Variants in NAV2 observed in about 807,000 individuals in gnomAD.
NAV2 encodes helicase, APC down-regulated 1.
A neutral mutation model predicts 223.2 loss-of-function variants in NAV2; 54 were observed. The ratio of observed to expected loss-of-function variants is 0.24; its 90% CI spans 0.19 to 0.30. The LOEUF (loss-of-function observed/expected upper bound fraction) is 0.30, where lower values mean the gene tolerates loss of function less well. Among genes scored for constraint, NAV2 ranks in the 10% least tolerant of loss-of-function variants. The pLI is 1.00. For missense variants in NAV2, 2,806 were observed against 3,147.5 expected (o/e 0.89, Z 2.60); for synonymous variants, 1,279 against 1,239.3 (o/e 1.03, Z -0.67).
chr11:19,579,162 T>C (rs2045646123), intron 1 of NAV2, among the ~76,000 whole-genome samples: 1 of 152,224 alleles, frequency 6.6e-6, no homozygotes, highest in Admixed American at 6.5e-5. Flanking sequence ...TCAGGCAGAC[T>C]GTCCACCACT....
chr11:19,484,160 C>CACACA (rs2042369694), intron 1 of NAV2, among the ~76,000 whole-genome samples: 2 of 52,802 alleles, frequency 3.8e-5, no homozygotes, highest in Non-Finnish European at 1.1e-4. Context: ...ACACACACAC[C>CACACA]CCAAGTCTCA....
At position 19,938,245 on chromosome 11, in the gene NAV2, C is replaced by T. The variant is rs916676247; in HGVS notation, c.2034-1416C>T. On this transcript the variant is annotated intron_variant, in intron 7 of 37. Transcript: ENST00000349880. Reference sequence around the variant, plus strand: ...ACCACCGAAGACAGTGATGTCATCACGTCAGTATTACAAAAGTCAATGAAA... The same window carrying T: ...ACCACCGAAGACAGTGATGTCATCATGTCAGTATTACAAAAGTCAATGAAA... Among the ~76,000 whole-genome samples, 6 of 152,090 alleles carry T rather than the reference C, an allele frequency of 3.9e-5. No homozygotes were observed. In the East Asian group the frequency reaches 5.8e-4, roughly 15 times the overall value.
chr11:20,046,965 G>A (rs896644582), intron 14 of NAV2, among the ~76,000 whole-genome samples: 3 of 152,166 alleles, frequency 2.0e-5, no homozygotes, highest in African/African-American at 7.2e-5. Flanking sequence ...GGGATGAACA[G>A]GAATGTTTGA....
chr11:20,029,919 C>T (rs75832991), intron 11 of NAV2, among the ~76,000 whole-genome samples: 5,536 of 152,232 alleles, frequency 0.036, 204 homozygotes, highest in Non-Finnish European at 0.045. Context: ...GGAAATCATG[C>T]TTTTGTGTTG....
intron 20 of NAV2, 120 bp downstream of exon 20, chr11:20,062,479 CAATT>C: frequency 1.4e-6 from 1 of 723,274 alleles, no homozygotes; most frequent in African/African-American, 1.8e-5. Flanking sequence ...ATAAGGGGAT[CAATT>C]AATTAGGGAA....
At chr11:20,081,033 C>T (rs78880326) in intron 25 of NAV2, among the ~76,000 whole-genome samples, 2,729 of 152,304 alleles carry the variant, frequency 0.018, 28 homozygotes, top group Non-Finnish European at 0.024. Flanking sequence ...TTTGTGCTGA[C>T]GGCATCCTGT....
chr11:19,907,180 C>A (rs2042935316), intron 6 of NAV2, among the ~76,000 whole-genome samples: 2 of 152,008 alleles, frequency 1.3e-5, no homozygotes, highest in African/African-American at 2.4e-5. Flanking sequence ...CATAAGTGTC[C>A]AAAAGTCAGA....
chr11:20,088,662 A>G lies in NAV2; in HGVS notation c.5499-2203A>G, dbSNP rs28565217. 2.8e-3 allele frequency among the ~76,000 whole-genome samples: 425 copies of G among 152,316 alleles called. 3 individuals are homozygous for G. The highest frequency in any genetic ancestry group is 1.0e-2 in the African/African-American group (415 of 41,576). ...TCAAGGGTTTAGGCCAAGCTCTGCA[A>G]AGTAACCCATGTGATACGTTCCACA... On this transcript the variant is annotated intron_variant, in intron 26 of 37. Coordinates refer to ENST00000349880, the MANE Select transcript of NAV2 (RefSeq NM_145117.5).
At chr11:19,393,892 A>C (rs1244243539) in intron 1 of NAV2, among the ~76,000 whole-genome samples, 8 of 35,410 alleles carry the variant, frequency 2.3e-4, no homozygotes, top group South Asian at 4.1e-3. Flanking sequence ...TTATAACTTA[A>C]GGGTTTTTTT....
chr11:19,858,256 G>A (rs1326787149), intron 3 of NAV2, among the ~76,000 whole-genome samples: 2 of 152,170 alleles, frequency 1.3e-5, no homozygotes, highest in East Asian at 3.8e-4. Flanking sequence ...TCTGCTCTGT[G>A]CTTCTATGAA....
At chr11:19,831,227 G>C (rs1168098317) in intron 1 of NAV2, among the ~76,000 whole-genome samples, 1 of 112,038 alleles carries the variant, frequency 8.9e-6, no homozygotes, top group Admixed American at 8.2e-5. Flanking sequence ...GTGTTGCGGG[G>C]GGGGGGGGGG....
In NAV2 at chr11:20,120,053, T is replaced by C. The variant is rs2063394265; in HGVS notation, c.*1795T>C. 1 of 152,212 alleles carries C rather than the reference T, an allele frequency of 6.6e-6. No individual in the cohort carries two copies. Among genetic ancestry groups the C allele is most frequent in the Non-Finnish European group, 1.5e-5 (1 of 68,030 alleles). 9.4% of individuals were successfully genotyped at this position (152,212 alleles called of 1,614,324 possible). A position where few individuals can be genotyped will look rare whatever the true frequency, so the allele number is the denominator to read the frequency against. On this transcript the variant is annotated 3_prime_UTR_variant, in exon 38 of 38. Coordinates refer to ENST00000349880, the MANE Select transcript of NAV2 (RefSeq NM_145117.5). ...TGTTTCTGTTTTGTAAAGAGAATCC[T>C]TATTGGACACCAGTGAAGGTGTCTC... is the stretch of plus-strand genomic sequence containing the variant.
intron 1 of NAV2, among the ~76,000 whole-genome samples, chr11:19,479,039 G>A (rs879519607): frequency 2.6e-5 from 4 of 152,158 alleles, no homozygotes; most frequent in Non-Finnish European, 2.9e-5. Flanking sequence ...TTTTCATGGG[G>A]TTGCCCCAGC....
intron 11 of NAV2, among the ~76,000 whole-genome samples, chr11:19,991,650 CA>C (rs2051347528): frequency 6.6e-6 from 1 of 151,742 alleles, no homozygotes; most frequent in African/African-American, 2.4e-5. Context: ...ATATGATGTG[CA>C]AAAAAAGGTA....
intron 16 of NAV2, among the ~76,000 whole-genome samples, chr11:20,050,713 C>T (rs1211011231): frequency 6.6e-6 from 1 of 152,222 alleles, no homozygotes; most frequent in Non-Finnish European, 1.5e-5. Flanking sequence ...TAACATGCCC[C>T]ACCCAGGACT....
chr11:19,923,036 G>C (rs1330921375), intron 6 of NAV2, among the ~76,000 whole-genome samples: 2 of 152,138 alleles, frequency 1.3e-5, no homozygotes, highest in African/African-American at 4.8e-5. Context: ...AAAGAAAGCA[G>C]GTATACCTTA....
At chr11:19,868,010 A>G (rs2062201368) in intron 3 of NAV2, among the ~76,000 whole-genome samples, 2 of 152,150 alleles carry the variant, frequency 1.3e-5, no homozygotes, top group Admixed American at 6.6e-5. Context: ...ATCATTTATT[A>G]GTTCAAAATA....
chr11:19,971,788 C>T (rs1006648815), intron 10 of NAV2, among the ~76,000 whole-genome samples: 7 of 152,184 alleles, frequency 4.6e-5, no homozygotes, highest in African/African-American at 1.2e-4. Flanking sequence ...ATGCAACCTC[C>T]GTCTACTGGG....
intron 1 of NAV2, among the ~76,000 whole-genome samples, chr11:19,728,652 A>G (rs2051460325): frequency 6.6e-6 from 1 of 152,232 alleles, no homozygotes; most frequent in Non-Finnish European, 1.5e-5. Context: ...GGCTGCTCTC[A>G]GCACTAAATG....
Sources: gnomAD v4.1 joint callset for allele counts (sites outside exome capture counted in the v4.1 genomes callset) on GRCh38, gnomAD v4.1.1 for gene constraint, MANE v1.5 for transcripts, NCBI Gene and HGNC (gene_info 2026-07-23, HGNC 2026-07-21) for gene names.